Variants in TIAM1 observed in about 807,000 individuals in gnomAD.
TIAM1 encodes the protein rho guanine nucleotide exchange factor TIAM1.
In TIAM1, 65 loss-of-function variants were observed where a neutral mutation model predicts 163.5. That is an observed-to-expected ratio of 0.40 (90% CI 0.33 to 0.49). TIAM1 has a LOEUF of 0.49. TIAM1 is among the 20% of genes least tolerant of loss of function. The probability of loss-of-function intolerance (pLI) is 0.77; values close to 1 mark genes in which losing one functional copy is unlikely to be tolerated. For synonymous variants in TIAM1, 833 were observed against 810.1 expected, an observed-to-expected ratio of 1.03 and a Z score of -0.48; for missense variants, 1,789 against 2,044.7, an observed-to-expected ratio of 0.87 and a Z score of 2.41.
At chr21:31,397,134 C>A (rs1030228304) in intron 2 of TIAM1, among the ~76,000 whole-genome samples, 1 of 152,084 alleles carries the variant, frequency 6.6e-6, no homozygotes, top group African/African-American at 2.4e-5. Context: ...AGCAGCAGAT[C>A]TTTAGATGTA....
At chr21:31,556,362 A>G (rs2048879289) in intron 1 of TIAM1, among the ~76,000 whole-genome samples, 5 of 152,360 alleles carry the variant, frequency 3.3e-5, no homozygotes, top group African/African-American at 1.2e-4. Flanking sequence ...GGAACGGAAG[A>G]GACAGAGCGC....
At chr21:31,129,736 AAG>A (rs961202239) in intron 25 of TIAM1, among the ~76,000 whole-genome samples, 4 of 152,222 alleles carry the variant, frequency 2.6e-5, no homozygotes, top group African/African-American at 9.6e-5. Context: ...AGCAAAGATA[AAG>A]ATTTGTAATA....
chr21:31,467,151 G>A (rs1173365097), intron 1 of TIAM1, among the ~76,000 whole-genome samples: 2 of 152,130 alleles, frequency 1.3e-5, no homozygotes, highest in African/African-American at 2.4e-5. Context: ...AACATAGCAA[G>A]ACCCCATCTC....
rs145610997 is a variant in TIAM1, at chr21:31,336,725, G to T, written c.-189+2518C>A. On this transcript the variant is annotated intron_variant, in intron 2 of 27. Coordinates refer to ENST00000541036, the MANE Select transcript of TIAM1 (RefSeq NM_001353694.2). ...TAACATCATCTGAGAAGGAACACTG[G>T]TTCCGAGGGGCAAAAATCACAGTGG... Among the ~76,000 whole-genome samples, 24 of 152,164 alleles carry T rather than the reference G, an allele frequency of 1.6e-4. 1 individual carries two copies. In the East Asian group the frequency reaches 4.3e-3, roughly 27 times the overall value.
chr21:31,444,702 T>A (rs2044551337), intron 2 of TIAM1, among the ~76,000 whole-genome samples: 1 of 152,140 alleles, frequency 6.6e-6, no homozygotes, highest in African/African-American at 2.4e-5. Flanking sequence ...CAAACTTTTC[T>A]AAGAAGAGAA....
Position 31,223,481 on chromosome 21 carries a change from G to C in TIAM1, c.1920C>G (p.Leu640=), listed in dbSNP as rs139346945. The C allele has an allele frequency of 2.5e-6, 4 of 1,613,858 alleles. No individual in the cohort carries two copies. Among genetic ancestry groups the C allele is most frequent in the Non-Finnish European group, 8.5e-7 (1 of 1,179,958 alleles). The part of the protein sequence containing the change: ...GGELPNPKRL[L]AFASRPTKVA... The stretch of plus-strand genomic sequence containing the variant: ...CTTTCGTTGGTCGACTTGCAAAAGC[G>C]AGAAGCCTTTTGGGGTTTGGCAGCT... The change falls in exon 8 of 28, where the codon CTC becomes CTG. Residue 640 remains leucine, a synonymous_variant. Coordinates refer to ENST00000541036, the MANE Select transcript of TIAM1 (RefSeq NM_001353694.2).
At chr21:31,322,202 T>C (rs1039328535) in intron 2 of TIAM1, among the ~76,000 whole-genome samples, 6 of 152,236 alleles carry the variant, frequency 3.9e-5, no homozygotes, top group African/African-American at 1.4e-4. Context: ...TATGCATGAT[T>C]ATCTAAGAAT....
intron 2 of TIAM1, among the ~76,000 whole-genome samples, chr21:31,444,153 G>T (rs749652580): frequency 1.6e-4 from 24 of 152,160 alleles, no homozygotes; most frequent in Non-Finnish European, 2.8e-4. Context: ...TATATGAACA[G>T]CATTAAAGAT....
intron 2 of TIAM1, among the ~76,000 whole-genome samples, chr21:31,400,903 C>T (rs892290736): frequency 6.6e-6 from 1 of 151,950 alleles, no homozygotes; most frequent in African/African-American, 2.4e-5. Context: ...CCAGCCTGAC[C>T]AACATGGAGA....
At chr21:31,534,134 G>A (rs1243767913) in intron 1 of TIAM1, among the ~76,000 whole-genome samples, 1 of 152,196 alleles carries the variant, frequency 6.6e-6, no homozygotes, top group Non-Finnish European at 1.5e-5. Flanking sequence ...ACACAATGAA[G>A]AGAAAGCGAG....
intron 2 of TIAM1, among the ~76,000 whole-genome samples, chr21:31,354,922 T>A (rs572097623): frequency 6.6e-6 from 1 of 152,284 alleles, no homozygotes; most frequent in Non-Finnish European, 1.5e-5. Flanking sequence ...ACTTTTATTT[T>A]TCTCAGCCTC....
chr21:31,425,304 C>T lies in TIAM1; in HGVS notation c.-369+38679G>A, dbSNP rs186931970. On this transcript the variant is annotated intron_variant, in intron 2 of 28. Transcript: ENST00000286827. Reference sequence around the variant, plus strand: ...CCAAGTCACTGCTTCCAAGGAATTTCGAGAATTTTAACAAATCTCAGCAGG... The same window carrying T: ...CCAAGTCACTGCTTCCAAGGAATTTTGAGAATTTTAACAAATCTCAGCAGG... Among the ~76,000 whole-genome samples the T allele has an allele frequency of 1.9e-3, 285 of 152,094 alleles. 2 individuals carry two copies. The highest frequency in any genetic ancestry group is 6.7e-3 in the African/African-American group (276 of 41,486).
At chr21:31,474,941 G>A (rs560701104) in intron 1 of TIAM1, among the ~76,000 whole-genome samples, 3 of 151,988 alleles carry the variant, frequency 2.0e-5, no homozygotes, top group Admixed American at 6.6e-5. Context: ...TCCTGCAGCC[G>A]GTGAAATGGG....
chr21:31,180,794 C>T (rs1436884741), intron 15 of TIAM1, among the ~76,000 whole-genome samples: 1 of 152,220 alleles, frequency 6.6e-6, no homozygotes, highest in Non-Finnish European at 1.5e-5. Context: ...GGGTACACAA[C>T]TCACTGGAGC....
intron 1 of TIAM1, among the ~76,000 whole-genome samples, chr21:31,549,017 A>G (rs1317033549): frequency 6.6e-6 from 1 of 152,192 alleles, no homozygotes; most frequent in Non-Finnish European, 1.5e-5. Flanking sequence ...CCACCCAGCA[A>G]AAGTTTAACA....
intron 2 of TIAM1, among the ~76,000 whole-genome samples, chr21:31,430,428 T>C (rs1415355627): frequency 6.6e-6 from 1 of 151,864 alleles, no homozygotes; most frequent in Non-Finnish European, 1.5e-5. Context: ...GTTAAATGAA[T>C]ATTTACAAAT....
rs534840043 is a variant in TIAM1 at position 31,425,685 on chromosome 21, CTCTT to C, written c.-369+38294_-369+38297del. Among the ~76,000 whole-genome samples, 1,057 of 124,294 alleles carry C rather than the reference CTCTT, an allele frequency of 8.5e-3. 15 individuals are homozygous for C. Among genetic ancestry groups the C allele is most frequent in the African/African-American group, 0.029 (982 of 33,670 alleles). 81.5% of individuals were successfully genotyped at this position (124,294 alleles called of 152,430 possible). A position where few individuals can be genotyped will look rare whatever the true frequency, so the allele number is the denominator to read the frequency against. Reference sequence around the variant, plus strand: ...TCTCTCTCTCTTTCTTTCTCTCTCTCTCTTTCTTTCTCTCTCTCTCTTCCTTTTT... The same window carrying C: ...TCTCTCTCTCTTTCTTTCTCTCTCTCTCTTTCTCTCTCTCTCTTCCTTTTT... On this transcript the variant is annotated intron_variant, in intron 2 of 28. Transcript: ENST00000286827.
In TIAM1 at chr21:31,118,984, C is replaced by G; in HGVS notation, c.*1384G>C. ...TATAAAATTCAGGTCTTTAAAGTAC[C>G]TACTGATGTGTCAAACACCAAATAG... On this transcript the variant is annotated 3_prime_UTR_variant, in exon 28 of 28. Coordinates refer to ENST00000541036, the MANE Select transcript of TIAM1 (RefSeq NM_001353694.2). 1.2e-5 allele frequency: 2 copies of G among 168,792 alleles called. No individual in the cohort carries two copies. Among genetic ancestry groups the G allele is most frequent in the South Asian group, 2.7e-4 (2 of 7,276 alleles). The allele number at this position is 168,792 out of a possible 1,614,324, so 10.5% of individuals were successfully genotyped here.
At chr21:31,393,485 T>G (rs2077002082) in intron 2 of TIAM1, among the ~76,000 whole-genome samples, 1 of 152,282 alleles carries the variant, frequency 6.6e-6, no homozygotes, top group East Asian at 1.9e-4. Flanking sequence ...CCAAGAGACA[T>G]GGAGGCTCCC....
Sources: allele counts gnomAD v4.1 joint callset (sites outside exome capture counted in the v4.1 genomes callset), GRCh38; gene constraint gnomAD v4.1.1; transcripts MANE v1.5; gene names NCBI Gene and HGNC (gene_info 2026-07-23, HGNC 2026-07-21).